KANSL1L: variants seen among roughly 807,000 people sequenced by gnomAD.
KANSL1L encodes the protein KAT8 regulatory NSL complex subunit 1-like protein.
KANSL1L carries 25 observed loss-of-function variants against 108.6 expected under a neutral mutation model. That is an observed-to-expected ratio of 0.23 (90% CI 0.17 to 0.32). KANSL1L has a LOEUF of 0.32. Ranked by LOEUF, KANSL1L falls within the 10% of genes least tolerant of loss-of-function variation. KANSL1L has a pLI of 1.00. For synonymous variants in KANSL1L, 405 were observed against 395.1 expected (o/e 1.03, Z -0.30); for missense variants, 1,137 against 1,125.7 (o/e 1.01, Z -0.14).
chr2:210,125,203 G>A (rs564722226), intron 3 of KANSL1L, among the ~76,000 whole-genome samples: 71 of 152,232 alleles, frequency 4.7e-4, no homozygotes, highest in African/African-American at 1.3e-3. Flanking sequence ...GCAGTGAGCC[G>A]AGATTGCGCC....
intron 6 of KANSL1L, among the ~76,000 whole-genome samples, chr2:210,053,745 CATTA>C (rs1375138683): frequency 1.3e-5 from 2 of 151,232 alleles, no homozygotes; most frequent in African/African-American, 2.4e-5. Flanking sequence ...AGAAAGAAAA[CATTA>C]ATTAAAGAGA....
intron 5 of KANSL1L, among the ~76,000 whole-genome samples, chr2:210,087,312 C>A (rs2094647205): frequency 6.6e-6 from 1 of 152,020 alleles, no homozygotes; most frequent in African/African-American, 2.4e-5. Flanking sequence ...AGCCATCATG[C>A]CTGGCCATCC....
rs371178399 is a variant in KANSL1L at position 210,168,635 on chromosome 2, C to T, written c.-30+2514G>A. Among the ~76,000 whole-genome samples, 16 of 152,124 alleles carry T rather than the reference C, an allele frequency of 1.1e-4. No individual in the cohort carries two copies. In the East Asian group the frequency reaches 1.5e-3, roughly 15 times the overall value. ...TCTAAGGTATCATGATAAATGGCATCAAAATTGGATGAAGTTCTTGGATAA... is the reference window on the plus strand; with the variant it reads ...TCTAAGGTATCATGATAAATGGCATTAAAATTGGATGAAGTTCTTGGATAA... On this transcript the variant is annotated intron_variant, in intron 1 of 14. Transcript: ENST00000281772.
At position 210,153,626 on chromosome 2, in the gene KANSL1L, C is replaced by T. The variant is rs561163561; in HGVS notation, c.957G>A (p.Ala319=). The T allele has an allele frequency of 3.2e-5, 51 of 1,613,606 alleles. No individual in the cohort carries two copies. The highest frequency in any genetic ancestry group is 2.4e-4 in the African/African-American group (18 of 74,936). Reference sequence around the variant, plus strand: ...CAGAAAATGCAAATCTTTGGATTTCCGCAGCTGTACACCGTGCAAAGCCAT... The same window carrying T: ...CAGAAAATGCAAATCTTTGGATTTCTGCAGCTGTACACCGTGCAAAGCCAT... ...AKNGFARCTA[A]EIQRFAFSAT... is the part of the protein sequence containing the mutation. Residue 319 remains alanine (A), a synonymous_variant, in exon 2 of 15, where the codon GCG becomes GCA. Coordinates refer to ENST00000281772, the MANE Select transcript of KANSL1L (RefSeq NM_152519.4).
intron 8 of KANSL1L, among the ~76,000 whole-genome samples, chr2:210,031,864 T>C (rs1462563915): frequency 1.3e-5 from 2 of 152,226 alleles, no homozygotes; most frequent in Non-Finnish European, 2.9e-5. Context: ...AAGTTCTTGC[T>C]TACCTTTAAA....
At chr2:210,050,819 G>A (rs928050351) in intron 6 of KANSL1L, among the ~76,000 whole-genome samples, 3 of 151,856 alleles carry the variant, frequency 2.0e-5, no homozygotes, top group African/African-American at 4.8e-5. Context: ...AACTGTGATT[G>A]TACCACACTC....
intron 5 of KANSL1L, chr2:210,097,424 T>C (rs2094747804): frequency 2.2e-6 from 1 of 452,338 alleles, no homozygotes. Flanking sequence ...CTGAAAAAAA[T>C]TAGACAATGC....
At chr2:210,073,126 C>T (rs1038316785) in intron 6 of KANSL1L, among the ~76,000 whole-genome samples, 1 of 152,074 alleles carries the variant, frequency 6.6e-6, no homozygotes, top group Non-Finnish European at 1.5e-5. Context: ...TGTGTTCTTT[C>T]AACATGTCTT....
rs567839071 is a variant in KANSL1L at position 210,059,771 on chromosome 2, A to G, written c.1756-15667T>C. Among the ~76,000 whole-genome samples the G allele has an allele frequency of 7.2e-5, 11 of 152,160 alleles. No homozygotes were observed. The South Asian group carries it at 2.3e-3, about 32-fold the overall frequency. ...AGCAGCATAAAAATACTACTTAAGT[A>G]ACTTTTTTTTTTTTTGAGATAGTGC... On this transcript the variant is annotated intron_variant, in intron 6 of 14. Transcript: ENST00000281772.
intron 2 of KANSL1L, among the ~76,000 whole-genome samples, chr2:210,137,838 C>G (rs1243530875): frequency 1.3e-5 from 2 of 152,108 alleles, no homozygotes; most frequent in African/African-American, 4.8e-5. Context: ...TGAGACCAGA[C>G]TAAGCAGCAC....
At chr2:210,101,110 AC>A (rs1419814857) in intron 4 of KANSL1L, among the ~76,000 whole-genome samples, 1 of 152,116 alleles carries the variant, frequency 6.6e-6, no homozygotes, top group Non-Finnish European at 1.5e-5. Flanking sequence ...TAGAGCCATT[AC>A]TGCTCTCACA....
In KANSL1L at chr2:210,104,141, C is replaced by T; in HGVS notation, c.1391G>A (p.Ser464Asn). 6.2e-7 allele frequency: 1 copy of T among 1,613,938 alleles called. No homozygotes were observed. The highest frequency in any genetic ancestry group is 8.5e-7 in the Non-Finnish European group (1 of 1,179,900). ...VPEQDFEMSP[S>N]SPTLLLRNIE... ...GTTTCGAAGAAGTAAAGTAGGGCTGCTTGGTGACATTTCAAAATCTTGTTC... is the reference window on the plus strand; with the variant it reads ...GTTTCGAAGAAGTAAAGTAGGGCTGTTTGGTGACATTTCAAAATCTTGTTC... Residue 464 changes from serine (S) to asparagine (N), a missense_variant, in exon 4 of 15, where the codon AGC becomes AAC. Ser to Asn is a conservative substitution (Grantham distance 46). This residue lies in a region of KANSL1L where 556 missense variants were observed against 537.7 expected (regional missense o/e 1.03). Coordinates refer to ENST00000281772, the MANE Select transcript of KANSL1L (RefSeq NM_152519.4).
Position 210,098,227 on chromosome 2 carries a change from CT to C in KANSL1L, c.1429-21del. 1 of 1,602,340 alleles carries C rather than the reference CT, an allele frequency of 6.2e-7. No individual in the cohort carries two copies. The highest frequency in any genetic ancestry group is 1.3e-5 in the African/African-American group (1 of 74,336). ...TGCACTCTGCAAGGAAACAGTCAAC[CT>C]TTTACTACTGCTAAGCAAGAAATGT... On this transcript the variant is annotated intron_variant, in intron 4 of 14. Coordinates refer to ENST00000281772, the MANE Select transcript of KANSL1L (RefSeq NM_152519.4).
intron 3 of KANSL1L, among the ~76,000 whole-genome samples, chr2:210,122,426 G>T (rs1350922972): frequency 1.3e-5 from 2 of 151,784 alleles, no homozygotes; most frequent in Admixed American, 6.6e-5. Context: ...AAGAACTTGG[G>T]GAAAAAACAG....
intron 2 of KANSL1L, among the ~76,000 whole-genome samples, chr2:210,133,056 T>A (rs1035328488): frequency 3.9e-5 from 6 of 152,280 alleles, no homozygotes; most frequent in African/African-American, 1.4e-4. Flanking sequence ...ATTAGCCTAT[T>A]TAGCTTAAAT....
At chr2:210,119,645 T>C (rs779556908) in intron 3 of KANSL1L, among the ~76,000 whole-genome samples, 6 of 152,116 alleles carry the variant, frequency 3.9e-5, no homozygotes, top group Non-Finnish European at 8.8e-5. Flanking sequence ...ACATCCTTCA[T>C]GATAAAAACC....
intron 2 of KANSL1L, among the ~76,000 whole-genome samples, chr2:210,133,231 T>TA (rs1272062441): frequency 6.6e-6 from 1 of 152,256 alleles, no homozygotes; most frequent in East Asian, 1.9e-4. Flanking sequence ...TTGTATACTT[T>TA]AATTTCTAGA....
intron 3 of KANSL1L, among the ~76,000 whole-genome samples, chr2:210,113,904 G>A (rs912328575): frequency 1.3e-5 from 2 of 152,110 alleles, no homozygotes; most frequent in East Asian, 3.8e-4. Flanking sequence ...AAAGAAAACA[G>A]ATTAAAGAAA....
At position 210,044,075 on chromosome 2, in the gene KANSL1L, T is replaced by C. The variant is rs774852237; in HGVS notation, c.1785A>G (p.Leu595=). The change falls in exon 7 of 15, where the codon TTA becomes TTG. Residue 595 remains leucine, a synonymous_variant. Coordinates refer to ENST00000281772, the MANE Select transcript of KANSL1L (RefSeq NM_152519.4). The surrounding 1 kb of genome is among the most constrained non-coding windows in gnomAD (Gnocchi z 4.2). ...GCAGGCAAGGCATTTGTGTAGTGTTTAAAAATGCTGTTTCTTTTGAAGGCA... is the reference window on the plus strand; with the variant it reads ...GCAGGCAAGGCATTTGTGTAGTGTTCAAAAATGCTGTTTCTTTTGAAGGCA... ...QTLPSKETAF[L]NTTQMPCLQS... 5 of 1,592,424 alleles carry C rather than the reference T, an allele frequency of 3.1e-6. No individual in the cohort carries two copies. The highest frequency in any genetic ancestry group is 1.8e-5 in the Admixed American group (1 of 56,342).
Sources: allele counts gnomAD v4.1 joint callset (sites outside exome capture counted in the v4.1 genomes callset), GRCh38; gene constraint gnomAD v4.1.1; regional missense constraint gnomAD v4.1.1; non-coding constraint Gnocchi (gnomAD v3.1); transcripts MANE v1.5; gene names NCBI Gene and HGNC (gene_info 2026-07-23, HGNC 2026-07-21).